Variants in NAV3 observed in about 807,000 individuals in gnomAD.
NAV3 encodes neuron navigator 3.
A neutral mutation model predicts 244.7 loss-of-function variants in NAV3; 87 were observed. That is an observed-to-expected ratio of 0.36 (90% CI 0.30 to 0.42). The LOEUF (loss-of-function observed/expected upper bound fraction) is 0.42. NAV3 is among the 20% of genes least tolerant of loss of function. NAV3 has a pLI of 1.00. For missense variants in NAV3, 2,663 were observed against 2,893.3 expected, an observed-to-expected ratio of 0.92 and a Z score of 1.83; for synonymous variants, 1,126 against 1,042.2, an observed-to-expected ratio of 1.08 and a Z score of -1.55.
intron 2 of NAV3, among the ~76,000 whole-genome samples, chr12:77,757,530 G>A (rs1869246526): frequency 6.6e-6 from 1 of 152,104 alleles, no homozygotes; most frequent in Non-Finnish European, 1.5e-5. Flanking sequence ...TTAATATCAA[G>A]GGTTGTAACC....
At chr12:78,138,048 T>C (rs914682500) in intron 19 of NAV3, among the ~76,000 whole-genome samples, 1 of 152,150 alleles carries the variant, frequency 6.6e-6, no homozygotes, top group Non-Finnish European at 1.5e-5. Context: ...TTCTCTTTGA[T>C]TTAATGAATT....
intron 21 of NAV3, among the ~76,000 whole-genome samples, chr12:78,148,526 A>T (rs1593792246): frequency 6.6e-6 from 1 of 152,122 alleles, no homozygotes; most frequent in Non-Finnish European, 1.5e-5. Flanking sequence ...TTTTATTACC[A>T]CAGTTTTTCT....
chr12:78,192,146 A>G (rs930208018), intron 34 of NAV3, among the ~76,000 whole-genome samples: 1 of 151,646 alleles, frequency 6.6e-6, no homozygotes, highest in Non-Finnish European at 1.5e-5. Flanking sequence ...TTAGGAAAAA[A>G]AGTTTATTGC....
In NAV3 at chr12:78,031,673, G is replaced by C. The variant is rs541638834; in HGVS notation, c.2023+9811G>C. 1.3e-3 allele frequency among the ~76,000 whole-genome samples: 190 copies of C among 144,412 alleles called. 2 individuals are homozygous for C. The highest frequency in any genetic ancestry group is 1.6e-3 in the Non-Finnish European group (104 of 66,880). The allele number at this position is 144,412 out of a possible 152,430, so 94.7% of individuals were successfully genotyped here. ...CACCGCATATTCTCACTCATAGGTGGGAATTGAACAATGAGATCACATGGA... is the reference window on the plus strand; with the variant it reads ...CACCGCATATTCTCACTCATAGGTGCGAATTGAACAATGAGATCACATGGA... On this transcript the variant is annotated intron_variant, in intron 9 of 39. Coordinates refer to ENST00000397909, the MANE Select transcript of NAV3 (RefSeq NM_001024383.2).
chr12:77,963,019 G>A (rs1200058269), intron 3 of NAV3, among the ~76,000 whole-genome samples: 3 of 124,818 alleles, frequency 2.4e-5, no homozygotes, highest in South Asian at 2.6e-4. Context: ...AATTTTGTTA[G>A]TTTGTTTGAT....
At chr12:77,703,569 G>A (rs1875654298) in intron 2 of NAV3, among the ~76,000 whole-genome samples, 1 of 152,096 alleles carries the variant, frequency 6.6e-6, no homozygotes, top group Non-Finnish European at 1.5e-5. Context: ...AATATGAGAA[G>A]TTATATGTAA....
intron 18 of NAV3, among the ~76,000 whole-genome samples, chr12:78,135,864 G>T (rs1956350849): frequency 6.6e-6 from 1 of 151,538 alleles, no homozygotes; most frequent in Non-Finnish European, 1.5e-5. Flanking sequence ...CCAATAGATT[G>T]TGCACTTTGG....
intron 25 of NAV3, 97 bp downstream of exon 25, chr12:78,175,524 AGG>A: frequency 1.4e-6 from 2 of 1,472,842 alleles, no homozygotes; most frequent in Non-Finnish European, 9.2e-7. Context: ...TAGTTTACAA[AGG>A]GTCCCATTCA....
chr12:77,835,720 C>T (rs1874513155), intron 1 of NAV3, among the ~76,000 whole-genome samples: 1 of 152,184 alleles, frequency 6.6e-6, no homozygotes, highest in African/African-American at 2.4e-5. Flanking sequence ...GTATCGTCTC[C>T]TCCTGTGTCT....
intron 12 of NAV3, among the ~76,000 whole-genome samples, chr12:78,087,855 G>A (rs1004490645): frequency 2.0e-5 from 3 of 151,726 alleles, no homozygotes; most frequent in Non-Finnish European, 4.4e-5. Context: ...GCAAATTATA[G>A]CAGATTAATT....
intron 2 of NAV3, among the ~76,000 whole-genome samples, chr12:77,823,490 C>A (rs978754260): frequency 6.6e-6 from 1 of 152,206 alleles, no homozygotes; most frequent in African/African-American, 2.4e-5. Flanking sequence ...GAATAGTTGA[C>A]GTTTTCCCCA....
At chr12:78,192,140 GA>G (rs5799379) in intron 34 of NAV3, among the ~76,000 whole-genome samples, 3 of 151,534 alleles carry the variant, frequency 2.0e-5, no homozygotes, top group Admixed American at 6.6e-5. Context: ...TTCAGCTTAG[GA>G]AAAAAAGTTT....
intron 22 of NAV3, among the ~76,000 whole-genome samples, 189 bp from the exon 23 acceptor site, chr12:78,159,014 A>G (rs1957416894): frequency 6.6e-6 from 1 of 152,224 alleles, no homozygotes; most frequent in African/African-American, 2.4e-5. Flanking sequence ...GATTTTAAGA[A>G]GACAAAGTTT....
chr12:78,122,253 G>A lies in NAV3; in HGVS notation c.4063G>A (p.Ala1355Thr), dbSNP rs750554053. The A allele has an allele frequency of 1.9e-5, 31 of 1,614,020 alleles. No homozygotes were observed. In the East Asian group the frequency reaches 6.5e-4, roughly 34 times the overall value. ...GGCTGCCAATATGAGCAGTTCCTCT[G>A]CAGGCAGCAAGGATACTCCGAGCTA... Reference protein sequence around the residue: ...VWAANMSSSSAGSKDTPSYQS... With the variant: ...VWAANMSSSSTGSKDTPSYQS... Residue 1355 changes from alanine (A) to threonine (T), a missense_variant, in exon 16 of 40, where the codon GCA becomes ACA. By Grantham distance (58) the Ala-to-Thr change is moderately conservative (BLOSUM62 0). Transcript: ENST00000397909.
At chr12:77,784,259 T>C (rs1870803624) in intron 2 of NAV3, among the ~76,000 whole-genome samples, 1 of 152,092 alleles carries the variant, frequency 6.6e-6, no homozygotes, top group Non-Finnish European at 1.5e-5. Flanking sequence ...CCCTCTCCCC[T>C]AGATAAGGCA....
intron 2 of NAV3, among the ~76,000 whole-genome samples, chr12:77,782,351 C>T (rs1870708868): frequency 7.0e-6 from 1 of 142,754 alleles, no homozygotes; most frequent in Non-Finnish European, 1.5e-5. Context: ...CCCTCCATTT[C>T]TTCCTTCTTT....
At chr12:77,903,570 G>A (rs1592952673) in intron 1 of NAV3, among the ~76,000 whole-genome samples, 2 of 152,138 alleles carry the variant, frequency 1.3e-5, no homozygotes, top group Non-Finnish European at 2.9e-5. Flanking sequence ...ACACCATTCA[G>A]GACATAGGCA....
At chr12:77,592,430 C>T (rs933426764) in intron 2 of NAV3, among the ~76,000 whole-genome samples, 14 of 152,242 alleles carry the variant, frequency 9.2e-5, no homozygotes, top group African/African-American at 3.1e-4. Flanking sequence ...TCACCTAAGC[C>T]TTTTTATGGC....
At chr12:77,647,701 C>A (rs1012640261) in intron 2 of NAV3, among the ~76,000 whole-genome samples, 2 of 151,988 alleles carry the variant, frequency 1.3e-5, no homozygotes, top group African/African-American at 4.8e-5. Flanking sequence ...TATGCTATAT[C>A]AACTCTCTCT....
Sources: gnomAD v4.1 joint callset for allele counts (sites outside exome capture counted in the v4.1 genomes callset) on GRCh38, gnomAD v4.1.1 for gene constraint, MANE v1.5 for transcripts, NCBI Gene and HGNC (gene_info 2026-07-23, HGNC 2026-07-21) for gene names.